CUX1: variants seen among roughly 807,000 people sequenced by gnomAD.
CUX1 encodes the protein cut like homeobox 1.
A neutral mutation model predicts 158.8 loss-of-function variants in CUX1; 31 were observed. That is an observed-to-expected ratio of 0.20 (90% confidence interval 0.15 to 0.26). The LOEUF is 0.26. Ranked by LOEUF, CUX1 falls within the 10% of genes least tolerant of loss-of-function variation. The pLI is 1.00. For missense variants in CUX1, 1,589 were observed against 2,014.6 expected, an observed-to-expected ratio of 0.79 and a Z score of 4.04; for synonymous variants, 879 against 862.1, an observed-to-expected ratio of 1.02 and a Z score of -0.34.
chr7:101,832,661 TAAAC>T, intron 1 of CUX1, among the ~76,000 whole-genome samples: 1 of 152,332 alleles, frequency 6.6e-6, no homozygotes, highest in South Asian at 2.1e-4. Flanking sequence ...CTAATGGAAA[TAAAC>T]CCGAACCTTT....
chr7:102,057,666 G>A (rs947558764), intron 3 of CUX1, among the ~76,000 whole-genome samples: 7 of 152,156 alleles, frequency 4.6e-5, no homozygotes, highest in African/African-American at 1.7e-4. Context: ...AGATGTGACT[G>A]AATTGCTGCA....
At chr7:102,071,882 C>T (rs1024497097) in intron 4 of CUX1, among the ~76,000 whole-genome samples, 2 of 152,200 alleles carry the variant, frequency 1.3e-5, no homozygotes, top group African/African-American at 4.8e-5. Flanking sequence ...ACAGCCTAAT[C>T]GTAGAGAATG....
In CUX1 at chr7:102,257,657, A is replaced by G; in HGVS notation, c.*8615A>G. On this transcript the variant is annotated 3_prime_UTR_variant, in exon 24 of 24. Coordinates refer to ENST00000292535, the MANE Select transcript of CUX1 (RefSeq NM_181552.4). ...CCAGACTACTAACAGCACAAGACGCACTCACAGGGTGGCGGAATCTTCCGG... is the reference window on the plus strand; with the variant it reads ...CCAGACTACTAACAGCACAAGACGCGCTCACAGGGTGGCGGAATCTTCCGG... 1 of 985,294 alleles carries G rather than the reference A, an allele frequency of 1.0e-6. No homozygotes were observed. Among genetic ancestry groups the G allele is most frequent in the Non-Finnish European group, 1.2e-6 (1 of 829,896 alleles). 61.0% of individuals were successfully genotyped at this position (985,294 alleles called of 1,614,324 possible).
chr7:102,173,035 T>G (rs782606943), intron 10 of CUX1, among the ~76,000 whole-genome samples: 9 of 151,934 alleles, frequency 5.9e-5, no homozygotes, highest in Non-Finnish European at 1.2e-4. Context: ...TGCTCCAACC[T>G]GGGCAACAGA....
intron 1 of CUX1, among the ~76,000 whole-genome samples, chr7:101,837,226 A>G (rs951741866): frequency 1.3e-5 from 2 of 152,182 alleles, no homozygotes; most frequent in East Asian, 1.9e-4. Context: ...GCAGAATTCC[A>G]TTTGCCAAGC....
chr7:102,010,546 G>A (rs970605957), intron 2 of CUX1, among the ~76,000 whole-genome samples: 1 of 152,134 alleles, frequency 6.6e-6, no homozygotes, highest in African/African-American at 2.4e-5. Context: ...TACATGTGAT[G>A]TACATACCTG....
intron 1 of CUX1, among the ~76,000 whole-genome samples, chr7:101,864,639 C>T (rs1359557674): frequency 6.6e-6 from 1 of 152,106 alleles, no homozygotes; most frequent in Non-Finnish European, 1.5e-5. Context: ...CAACCTCTGC[C>T]TCCTAGGTTC....
chr7:102,178,971 TCTC>T (rs1415511556), intron 11 of CUX1, among the ~76,000 whole-genome samples: 2 of 152,200 alleles, frequency 1.3e-5, no homozygotes, highest in African/African-American at 4.8e-5. Context: ...TTCAAGTGAT[TCTC>T]CTGCCTCAGC....
At chr7:102,280,208 G>A (rs1225068392) in intron 19 of CUX1, 6 of 813,762 alleles carry the variant, frequency 7.4e-6, no homozygotes, top group Non-Finnish European at 1.2e-5. Context: ...CCCTATCCCT[G>A]AGCACTCGGC....
At chr7:101,984,089 A>AAAAAAAAAAAAAAAAATAT (rs1221503978) in intron 2 of CUX1, among the ~76,000 whole-genome samples, 1 of 29,846 alleles carries the variant, frequency 3.4e-5, no homozygotes, top group Non-Finnish European at 7.0e-5. Context: ...AAAAAAAAAA[A>AAAAAAAAAAAAAAAAATAT]ATATATATAT....
intron 5 of CUX1, among the ~76,000 whole-genome samples, chr7:102,101,543 T>G (rs1215229556): frequency 6.6e-6 from 1 of 152,172 alleles, no homozygotes; most frequent in Non-Finnish European, 1.5e-5. Flanking sequence ...CACTGTGATG[T>G]GTCACTGAGG....
intron 1 of CUX1, among the ~76,000 whole-genome samples, chr7:101,841,409 C>G (rs1795186782): frequency 6.6e-6 from 1 of 151,488 alleles, no homozygotes; most frequent in South Asian, 2.1e-4. Flanking sequence ...GTTTGTTTAT[C>G]TTACTGATCT....
chr7:102,106,509 A>G (rs1830379359), intron 6 of CUX1, among the ~76,000 whole-genome samples: 1 of 152,128 alleles, frequency 6.6e-6, no homozygotes, highest in Non-Finnish European at 1.5e-5. Context: ...AGCTTTCTAT[A>G]AAACATGCCC....
chr7:102,029,619 G>A (rs1343699538), intron 3 of CUX1, among the ~76,000 whole-genome samples: 1 of 152,176 alleles, frequency 6.6e-6, no homozygotes, highest in African/African-American at 2.4e-5. Context: ...AGAAGACACA[G>A]CAGTTGGTGA....
chr7:101,837,656 C>T (rs924639945), intron 1 of CUX1, among the ~76,000 whole-genome samples: 2 of 151,320 alleles, frequency 1.3e-5, no homozygotes, highest in Non-Finnish European at 2.9e-5. Context: ...TAGTGAGACC[C>T]TCTCTACAAA....
chr7:102,057,234 A>G (rs1824274027), intron 3 of CUX1, among the ~76,000 whole-genome samples: 1 of 152,182 alleles, frequency 6.6e-6, no homozygotes, highest in Non-Finnish European at 1.5e-5. Flanking sequence ...CTGCTCATTG[A>G]CAGTGCACCT....
At chr7:102,199,005 C>A in intron 16 of CUX1, 138 bp downstream of exon 16, 1 of 772,060 alleles carries the variant, frequency 1.3e-6, no homozygotes, top group Non-Finnish European at 2.2e-6. Context: ...AAGTATAAAA[C>A]AAGGCACGGG....
In CUX1 at chr7:102,253,348, G is replaced by C; in HGVS notation, c.*4306G>C. ...GACCAGTTTACACAGGCTGCAAAGAGATCGCTGTGGGCCTCGGCTGACTAC... is the reference window on the plus strand; with the variant it reads ...GACCAGTTTACACAGGCTGCAAAGACATCGCTGTGGGCCTCGGCTGACTAC... On this transcript the variant is annotated 3_prime_UTR_variant, in exon 24 of 24. Transcript: ENST00000292535. The C allele has an allele frequency of 1.0e-6, 1 of 985,488 alleles. No individual in the cohort carries two copies. The highest frequency in any genetic ancestry group is 1.2e-6 in the Non-Finnish European group (1 of 829,968). 61.0% of individuals were successfully genotyped at this position (985,488 alleles called of 1,614,324 possible).
At chr7:101,944,421 G>C (rs893897112) in intron 2 of CUX1, among the ~76,000 whole-genome samples, 1 of 152,216 alleles carries the variant, frequency 6.6e-6, no homozygotes, top group African/African-American at 2.4e-5. Context: ...AACCTACCAA[G>C]GTCTGGGGGA....
Sources: allele counts gnomAD v4.1 joint callset (sites outside exome capture counted in the v4.1 genomes callset), GRCh38; gene constraint gnomAD v4.1.1; transcripts MANE v1.5; gene names NCBI Gene and HGNC (gene_info 2026-07-23, HGNC 2026-07-21).